The following RIGI variants were observed in gnomAD, a reference collection of about 807,000 sequenced individuals.
The protein encoded by RIGI is antiviral innate immune response receptor RIG-I.
At chr9:32,480,787 A>G in the RIGI span, among the ~76,000 whole-genome samples, 2 of 152,228 alleles carry the variant, frequency 1.3e-5, no homozygotes, top group Admixed American at 6.5e-5. Flanking sequence ...CATCCATCAA[A>G]TGTACAACTA....
the RIGI span, chr9:32,457,026 CAG>C: frequency 1.1e-6 from 1 of 915,754 alleles, no homozygotes; most frequent in Non-Finnish European, 1.7e-6. Flanking sequence ...TATATTTTCA[CAG>C]GGGTACAAGC....
the RIGI span, chr9:32,489,357 T>C: frequency 9.3e-6 from 15 of 1,610,818 alleles, no homozygotes; most frequent in Middle Eastern, 5.0e-4. Context: ...TAGGAGCACA[T>C]ATTATTGTGT....
chr9:32,493,542 G>C, the RIGI span, among the ~76,000 whole-genome samples: 1 of 151,866 alleles, frequency 6.6e-6, no homozygotes, highest in Admixed American at 6.6e-5. Context: ...AGAATTGGTT[G>C]AACTCAGGAG....
the RIGI span, among the ~76,000 whole-genome samples, chr9:32,458,743 A>G: frequency 6.6e-6 from 1 of 152,204 alleles, no homozygotes; most frequent in South Asian, 2.1e-4. Flanking sequence ...AACATCTCAT[A>G]TACCACAGCA....
the RIGI span, among the ~76,000 whole-genome samples, chr9:32,475,718 A>G: frequency 6.6e-6 from 1 of 152,178 alleles, no homozygotes; most frequent in African/African-American, 2.4e-5. Context: ...ACGCTTCTAG[A>G]TGATAACATA....
At chr9:32,505,931 T>G in the RIGI span, among the ~76,000 whole-genome samples, 1 of 152,192 alleles carries the variant, frequency 6.6e-6, no homozygotes, top group African/African-American at 2.4e-5. Flanking sequence ...CTTTTAAATG[T>G]GGAGGCCAGG....
the RIGI span, chr9:32,526,195 T>G: frequency 1.3e-6 from 2 of 1,579,536 alleles, no homozygotes; most frequent in Admixed American, 1.7e-5. Context: ...CTAGCTACGT[T>G]CCCCGCAGGC....
At chr9:32,485,380 G>T in the RIGI span, 1 of 809,178 alleles carries the variant, frequency 1.2e-6, no homozygotes, top group Non-Finnish European at 2.0e-6. Context: ...ACCTTTCTCT[G>T]CCTTTGATAC....
At chr9:32,487,570 A>G in the RIGI span, 7 of 1,614,154 alleles carry the variant, frequency 4.3e-6, no homozygotes, top group Non-Finnish European at 5.9e-6. Context: ...TTGCAGATAT[A>G]ATCCAAGGCT....
the RIGI span, among the ~76,000 whole-genome samples, chr9:32,519,988 G>C: frequency 1.3e-5 from 2 of 152,144 alleles, no homozygotes; most frequent in Non-Finnish European, 2.9e-5. Context: ...GGAAATGTAT[G>C]ATGAGGCTCT....
chr9:32,476,938 T>C, the RIGI span: 3 of 1,509,838 alleles, frequency 2.0e-6, no homozygotes, highest in South Asian at 2.4e-5. Context: ...TTTCAATGAA[T>C]AGTGCTGGGT....
chr9:32,509,922 C>T, the RIGI span, among the ~76,000 whole-genome samples: 19 of 151,596 alleles, frequency 1.3e-4, no homozygotes, highest in African/African-American at 2.9e-4. Context: ...AAACACAGCA[C>T]GAGAACTTTG....
the RIGI span, among the ~76,000 whole-genome samples, chr9:32,484,533 C>G: frequency 2.6e-5 from 4 of 152,062 alleles, no homozygotes; most frequent in Non-Finnish European, 5.9e-5. Flanking sequence ...GAAATCAGCC[C>G]CTCCTGCCCC....
chr9:32,503,868 C>T, the RIGI span, among the ~76,000 whole-genome samples: 1 of 152,036 alleles, frequency 6.6e-6, no homozygotes, highest in East Asian at 1.9e-4. Context: ...ATGGTGAAAC[C>T]CCGTCTCTAC....
the RIGI span, chr9:32,481,515 A>G: frequency 6.5e-7 from 1 of 1,542,424 alleles, no homozygotes. Context: ...AAAAAAAAAA[A>G]AAAGTTTTTC....
At chr9:32,482,195 G>A in the RIGI span, among the ~76,000 whole-genome samples, 41 of 152,044 alleles carry the variant, frequency 2.7e-4, no homozygotes, top group Non-Finnish European at 4.6e-4. Context: ...GTTTGTGTGT[G>A]TGTGTGTGTG....
At chr9:32,475,611 AG>A in the RIGI span, among the ~76,000 whole-genome samples, 1 of 152,134 alleles carries the variant, frequency 6.6e-6, no homozygotes, top group Non-Finnish European at 1.5e-5. Context: ...ATACACAAAA[AG>A]AAAAAAAAAA....
the RIGI span, among the ~76,000 whole-genome samples, chr9:32,470,255 T>C: frequency 5.9e-5 from 9 of 152,212 alleles, no homozygotes; most frequent in African/African-American, 1.9e-4. Context: ...TTAACATACA[T>C]TGAGCACTCA....
At chr9:32,477,621 C>A in the RIGI span, among the ~76,000 whole-genome samples, 1 of 152,018 alleles carries the variant, frequency 6.6e-6, no homozygotes, top group African/African-American at 2.4e-5. Flanking sequence ...TCAGTATTAT[C>A]CCATCTTTAA....
Sources: allele counts gnomAD v4.1 joint callset (sites outside exome capture counted in the v4.1 genomes callset), GRCh38; gene constraint gnomAD v4.1.1; transcripts MANE v1.5; gene names NCBI Gene and HGNC (gene_info 2026-07-23, HGNC 2026-07-21).